Variants in GIP observed in about 807,000 individuals in gnomAD.
GIP encodes glucose-dependent insulinotropic polypeptide.
A neutral mutation model predicts 18.1 loss-of-function variants in GIP; 16 were observed. That is an observed-to-expected ratio of 0.88 (90% CI 0.60 to 1.34). The LOEUF (loss-of-function observed/expected upper bound fraction) is 1.34, where lower values mean the gene tolerates loss of function less well. GIP is among the 40% of genes most tolerant of loss of function. The probability of loss-of-function intolerance (pLI) is 0.00; values close to 1 mark genes in which losing one functional copy is unlikely to be tolerated. For missense variants in GIP, 192 were observed against 183.4 expected, an observed-to-expected ratio of 1.05 and a Z score of -0.27; for synonymous variants, 76 against 74.0, an observed-to-expected ratio of 1.03 and a Z score of -0.14.
At chr17:48,961,665 C>G in intron 4 of GIP, 62 bp downstream of exon 4, 1 of 1,039,024 alleles carries the variant, frequency 9.6e-7, no homozygotes, top group Non-Finnish European at 1.5e-6. Flanking sequence ...GGAGAGGGAA[C>G]AAAGAGGTGG....
chr17:48,963,619 C>T (rs1254712306), intron 3 of GIP, among the ~76,000 whole-genome samples: 1 of 151,360 alleles, frequency 6.6e-6, no homozygotes, highest in Non-Finnish European at 1.5e-5. Flanking sequence ...AAGATCGAGC[C>T]ACTGCACTCC....
In GIP at chr17:48,963,837, G is replaced by A. The variant is rs1476748438; in HGVS notation, c.257+473C>T. ...GCCTGGGCAACAAGAGCAAAACTCT[G>A]TCTCAAAAAAAAAAAAAAAAAAAAA... On this transcript the variant is annotated intron_variant, in intron 3 of 5. Transcript: ENST00000357424. Among the ~76,000 whole-genome samples the A allele has an allele frequency of 8.0e-4, 10 of 12,510 alleles. No individual in the cohort carries two copies. In the African/African-American group the frequency reaches 8.4e-3, roughly 11 times the overall value. 8.2% of individuals were successfully genotyped at this position (12,510 alleles called of 152,430 possible).
chr17:48,961,841 A>G (rs755427355), intron 3 of GIP, 22 bp from the exon 4 acceptor site: 1 of 1,567,050 alleles, frequency 6.4e-7, no homozygotes, highest in South Asian at 1.1e-5. Flanking sequence ...AAGATTAGAG[A>G]GTGGGCAAGC....
chr17:48,962,272 G>A (rs974329527), intron 3 of GIP, among the ~76,000 whole-genome samples: 3 of 152,066 alleles, frequency 2.0e-5, no homozygotes, highest in Admixed American at 2.0e-4. Context: ...TGCCCAGGCT[G>A]TTCTCGAATG....
At chr17:48,964,099 G>A (rs1215464131) in intron 3 of GIP, among the ~76,000 whole-genome samples, 2 of 148,608 alleles carry the variant, frequency 1.3e-5, no homozygotes, top group Non-Finnish European at 3.0e-5. Context: ...GGCGGAGCTT[G>A]CAGTGAGCCG....
intron 3 of GIP, among the ~76,000 whole-genome samples, chr17:48,962,163 A>T (rs572477792): frequency 6.6e-6 from 1 of 151,988 alleles, no homozygotes; most frequent in African/African-American, 2.4e-5. Context: ...TCTGCCTCCC[A>T]GGCTGAAGCC....
chr17:48,964,525 C>T (rs1567797203), intron 2 of GIP, 45 bp from the exon 3 acceptor site: 30 of 1,540,624 alleles, frequency 1.9e-5, no homozygotes, highest in African/African-American at 2.7e-5. Flanking sequence ...GGGGGAGAAT[C>T]ACAATGCTAG....
intron 1 of GIP, 36 bp from the exon 2 acceptor site, chr17:48,967,289 C>A: frequency 7.3e-7 from 1 of 1,372,096 alleles, no homozygotes; most frequent in East Asian, 2.3e-5. Flanking sequence ...GTTGAGAGAG[C>A]AACCAGTAGG....
chr17:48,958,765 G>A (rs764193361), intron 5 of GIP, 49 bp from the exon 6 acceptor site: 88 of 1,520,154 alleles, frequency 5.8e-5, no homozygotes, highest in Admixed American at 1.3e-4. Context: ...ACTTGGAGTC[G>A]GCCAAGCACA....
chr17:48,967,014 AGGT>A, intron 2 of GIP, 130 bp downstream of exon 2: 1 of 655,518 alleles, frequency 1.5e-6, no homozygotes, highest in Admixed American at 2.5e-5. Flanking sequence ...CGCTGCCGGC[AGGT>A]ATTTCCCTGG....
At chr17:48,959,584 T>G (rs151098615) in intron 5 of GIP, among the ~76,000 whole-genome samples, 570 of 152,290 alleles carry the variant, frequency 3.7e-3, no homozygotes, top group Middle Eastern at 0.031. Flanking sequence ...ACATAAGGAA[T>G]GGACTGAAGA....
chr17:48,960,862 C>A (rs750240139), intron 5 of GIP, 24 bp downstream of exon 5: 2 of 1,418,240 alleles, frequency 1.4e-6, no homozygotes, highest in Admixed American at 3.8e-5. Context: ...GTTAGAACCG[C>A]TGTGCAACAC....
At position 48,967,221 on chromosome 17, in the gene GIP, C is replaced by T. The variant is rs148842243; in HGVS notation, c.12G>A (p.Thr4=). Residue 4 remains threonine (T), a synonymous_variant, in exon 2 of 6, where the codon ACG becomes ACA. Transcript: ENST00000357424. The stretch of plus-strand genomic sequence containing the variant: ...ACAGCAGCAGCAGAGCAAAGGTCTT[C>T]GTGGCCACCATCTTCCAAGGTTATT... The part of the protein sequence containing the change: MVA[T]KTFALLLLSL... The T allele has an allele frequency of 2.0e-5, 32 of 1,613,946 alleles. 1 individual carries two copies. The highest frequency in any genetic ancestry group is 1.3e-4 in the Admixed American group (8 of 60,006).
intron 1 of GIP, among the ~76,000 whole-genome samples, chr17:48,967,775 G>A (rs2041243103): frequency 6.6e-6 from 1 of 151,564 alleles, no homozygotes. Context: ...GACCAGGCTG[G>A]GTGCAGTGGC....
intron 3 of GIP, among the ~76,000 whole-genome samples, chr17:48,963,940 G>A (rs919829987): frequency 2.0e-5 from 3 of 149,374 alleles, no homozygotes; most frequent in African/African-American, 4.9e-5. Flanking sequence ...GGATCACGAG[G>A]TCAGATCGAG....
Position 48,967,147 on chromosome 17 carries a change from C to G in GIP, c.86G>C (p.Ser29Thr). Reference protein sequence around the residue: ...GLGEKKEGHFSALPSLPVGSH... With the variant: ...GLGEKKEGHFTALPSLPVGSH... ...ATCCCTTTCCTCTCACCACTCCTAC[C>G]TGAAGTGACCCTCTTTCTTCTCTCC... is the stretch of plus-strand genomic sequence containing the variant. Residue 29 changes from serine to threonine, a missense_variant and splice_region_variant, in exon 2 of 6, where the codon AGC (serine) becomes ACC (threonine). Ser to Thr is a moderately conservative substitution (Grantham distance 58, BLOSUM62 1). Transcript: ENST00000357424. The G allele has an allele frequency of 1.2e-6, 2 of 1,609,118 alleles. No homozygotes were observed. The highest frequency in any genetic ancestry group is 1.7e-6 in the Non-Finnish European group (2 of 1,175,544).
In GIP at chr17:48,966,587, G is replaced by GA. The variant is rs367591064; in HGVS notation, c.86+559dup. ...AAAAAAAAAGAAAAAGAAAAGAATA[G>GA]AAAAAAAAAAGAATGCATTCATAAG... On this transcript the variant is annotated intron_variant, in intron 2 of 5. Transcript: ENST00000357424. Among the ~76,000 whole-genome samples the GA allele has an allele frequency of 5.5e-3, 798 of 146,116 alleles. 7 individuals carry two copies. Among genetic ancestry groups the GA allele is most frequent in the African/African-American group, 0.015 (617 of 39,850 alleles).
In GIP at chr17:48,958,613, T is replaced by C. The variant is rs376948762; in HGVS notation, c.*94A>G. 3 of 992,434 alleles carry C rather than the reference T, an allele frequency of 3.0e-6. No individual in the cohort carries two copies. Among genetic ancestry groups the C allele is most frequent in the Non-Finnish European group, 4.7e-6 (3 of 641,980 alleles). The allele number at this position is 992,434 out of a possible 1,614,324, so 61.5% of individuals were successfully genotyped here. A position where few individuals can be genotyped will look rare whatever the true frequency, so the allele number is the denominator to read the frequency against. ...AATGGGCTCGACTTAGCATAAACTT[T>C]ATTGGTTTGGGTTCTCTTGGCTATT... On this transcript the variant is annotated 3_prime_UTR_variant, in exon 6 of 6. Coordinates refer to ENST00000357424, the MANE Select transcript of GIP (RefSeq NM_004123.3).
intron 2 of GIP, among the ~76,000 whole-genome samples, chr17:48,966,193 G>T (rs1331010012): frequency 2.0e-5 from 3 of 149,472 alleles, no homozygotes; most frequent in Non-Finnish European, 4.4e-5. Context: ...GGAGGCGGAG[G>T]TTGCAGTGAG....
Sources: gnomAD v4.1 joint callset for allele counts (sites outside exome capture counted in the v4.1 genomes callset) on GRCh38, gnomAD v4.1.1 for gene constraint, MANE v1.5 for transcripts, NCBI Gene and HGNC (gene_info 2026-07-23, HGNC 2026-07-21) for gene names.